Variants in NELL1 observed in about 807,000 individuals in gnomAD.
The protein encoded by NELL1 is protein kinase C-binding protein NELL1.
Under a neutral mutation model 107.4 loss-of-function variants are expected in NELL1, and 76 were observed. That is an observed-to-expected ratio of 0.71 (90% CI 0.59 to 0.86). The LOEUF (loss-of-function observed/expected upper bound fraction) is 0.86, where lower values mean the gene tolerates loss of function less well. Ranked by LOEUF, NELL1 falls within the 40% of genes least tolerant of loss-of-function variation. NELL1 has a pLI of 0.00. For missense variants in NELL1, 1,024 were observed against 1,005.5 expected (o/e 1.02, Z -0.25); for synonymous variants, 353 against 341.2 (o/e 1.03, Z -0.38).
In NELL1 at chr11:21,532,077, G is replaced by A. The variant is rs540183755; in HGVS notation, c.1646-2297G>A. Among the ~76,000 whole-genome samples the A allele has an allele frequency of 9.2e-5, 14 of 152,290 alleles. No individual in the cohort carries two copies. The South Asian group carries it at 2.3e-3, about 25-fold the overall frequency. ...ACAGAGAACAGAAATGTACAGCCTAGGCACCAGCATGTGATGTGAACCTGA... is the reference window on the plus strand; with the variant it reads ...ACAGAGAACAGAAATGTACAGCCTAAGCACCAGCATGTGATGTGAACCTGA... On this transcript the variant is annotated intron_variant, in intron 15 of 19. Coordinates refer to ENST00000357134, the MANE Select transcript of NELL1 (RefSeq NM_006157.5).
At chr11:21,516,288 GA>G (rs1479428491) in intron 15 of NELL1, among the ~76,000 whole-genome samples, 2 of 152,114 alleles carry the variant, frequency 1.3e-5, no homozygotes, top group African/African-American at 4.8e-5. Context: ...AATAGGCATT[GA>G]AAAAACTATT....
intron 15 of NELL1, among the ~76,000 whole-genome samples, chr11:21,377,434 G>A (rs1259517150): frequency 6.6e-6 from 1 of 152,012 alleles, no homozygotes; most frequent in African/African-American, 2.4e-5. Context: ...ATATCCTGTT[G>A]AATGCAGTTT....
chr11:21,537,336 C>T (rs534192077), intron 16 of NELL1, among the ~76,000 whole-genome samples: 1 of 152,216 alleles, frequency 6.6e-6, no homozygotes, highest in African/African-American at 2.4e-5. Flanking sequence ...TTCCTGCCTG[C>T]TTCTTGGACT....
intron 14 of NELL1, among the ~76,000 whole-genome samples, chr11:21,264,130 T>C (rs1791831): frequency 0.91 from 135,622 of 149,804 alleles, 61,535 homozygotes; most frequent in Non-Finnish European, 0.93. Context: ...CTTCCCTCCT[T>C]AGGAATAGGG....
At chr11:21,380,971 T>C (rs1212126215) in intron 15 of NELL1, among the ~76,000 whole-genome samples, 1 of 152,024 alleles carries the variant, frequency 6.6e-6, no homozygotes, top group South Asian at 2.1e-4. Context: ...ATTTTGCATT[T>C]ATTATTTCCT....
chr11:21,447,612 T>G (rs763377744), intron 15 of NELL1, among the ~76,000 whole-genome samples: 2 of 152,096 alleles, frequency 1.3e-5, no homozygotes, highest in Non-Finnish European at 2.9e-5. Context: ...TTCTCTTCCC[T>G]CTCCTCTCCT....
intron 17 of NELL1, among the ~76,000 whole-genome samples, chr11:21,565,836 A>G (rs576826887): frequency 5.3e-5 from 8 of 152,066 alleles, no homozygotes; most frequent in Non-Finnish European, 1.0e-4. Flanking sequence ...TTTCTACCCC[A>G]GGTGTTAGGA....
chr11:21,461,126 T>C lies in NELL1; in HGVS notation c.1646-73248T>C, dbSNP rs191542540. On this transcript the variant is annotated intron_variant, in intron 15 of 19. Transcript: ENST00000357134. Reference sequence around the variant, plus strand: ...GGAAGGGGTGTTAATAATTCCATAATTGATAACAATCACTTATGAAACAGA... The same window carrying C: ...GGAAGGGGTGTTAATAATTCCATAACTGATAACAATCACTTATGAAACAGA... Among the ~76,000 whole-genome samples the C allele has an allele frequency of 2.0e-5, 3 of 152,094 alleles. 1 individual carries two copies. The highest frequency in any genetic ancestry group is 7.2e-5 in the African/African-American group (3 of 41,426).
chr11:21,141,819 A>G (rs1855875754), intron 13 of NELL1, among the ~76,000 whole-genome samples: 1 of 151,760 alleles, frequency 6.6e-6, no homozygotes, highest in South Asian at 2.1e-4. Context: ...GCTGGATTGC[A>G]ATGGCATGAT....
chr11:21,531,661 A>G (rs1855992812), intron 15 of NELL1, among the ~76,000 whole-genome samples: 1 of 152,172 alleles, frequency 6.6e-6, no homozygotes, highest in Admixed American at 6.5e-5. Flanking sequence ...GATGGTTGAC[A>G]CATTGTGAGT....
At chr11:20,998,682 A>G (rs1852148172) in intron 12 of NELL1, among the ~76,000 whole-genome samples, 1 of 152,222 alleles carries the variant, frequency 6.6e-6, no homozygotes, top group Admixed American at 6.5e-5. Context: ...GACCAGTAGG[A>G]AAACATCGGC....
At chr11:20,799,625 C>T (rs903919581) in intron 3 of NELL1, among the ~76,000 whole-genome samples, 1 of 151,018 alleles carries the variant, frequency 6.6e-6, no homozygotes, top group Non-Finnish European at 1.5e-5. Context: ...GAAGCATTAT[C>T]AGTTCATCTG....
Position 20,758,358 on chromosome 11 carries a change from C to T in NELL1, c.185-25322C>T, listed in dbSNP as rs538893583. On this transcript the variant is annotated intron_variant, in intron 2 of 19. Transcript: ENST00000357134. ...GGCCTAATAAATCCAAACTCCTTAG[C>T]ATGACATTTGAGAACTTCCATGAAT... Among the ~76,000 whole-genome samples the T allele has an allele frequency of 4.6e-5, 7 of 152,258 alleles. No individual in the cohort carries two copies. In the South Asian group the frequency reaches 1.0e-3, roughly 23 times the overall value.
intron 14 of NELL1, among the ~76,000 whole-genome samples, chr11:21,290,392 T>A (rs984086184): frequency 5.1e-4 from 44 of 86,800 alleles, no homozygotes; most frequent in African/African-American, 1.3e-3. Flanking sequence ...ATAAATAAAA[T>A]AAATAGATAA....
At chr11:21,309,308 A>ATGTG in intron 14 of NELL1, among the ~76,000 whole-genome samples, 1 of 137,310 alleles carries the variant, frequency 7.3e-6, no homozygotes, top group African/African-American at 2.9e-5. Context: ...ATGTATATAT[A>ATGTG]TATAATATAT....
Position 21,411,938 on chromosome 11 carries a change from A to C in NELL1, c.1645+40990A>C, listed in dbSNP as rs149309351. Among the ~76,000 whole-genome samples the C allele has an allele frequency of 2.1e-3, 325 of 152,152 alleles. 3 individuals are homozygous for C. Among genetic ancestry groups the C allele is most frequent in the African/African-American group, 7.3e-3 (303 of 41,542 alleles). ...CTTGCTGAATGATTTGGAGGTTTGTACTGATGACCTTTCTCATCCTGTTGC... is the reference window on the plus strand; with the variant it reads ...CTTGCTGAATGATTTGGAGGTTTGTCCTGATGACCTTTCTCATCCTGTTGC... On this transcript the variant is annotated intron_variant, in intron 15 of 19. Transcript: ENST00000357134.
chr11:20,724,184 T>G (rs2213107), intron 2 of NELL1, among the ~76,000 whole-genome samples: 107,890 of 152,272 alleles, frequency 0.71, 41,376 homozygotes, highest in East Asian at 0.95. Flanking sequence ...TCTGCAATGC[T>G]GTGGAGACAT....
rs78447593 is a variant in NELL1 at position 21,374,887 on chromosome 11, C to G, written c.1645+3939C>G. ...GCTGTGTGGAACTGACTGTGTGTGT[C>G]TGTGTGTGTGTGTGTGTGTGTGTGT... On this transcript the variant is annotated intron_variant, in intron 15 of 19. Transcript: ENST00000357134. 4.0e-3 allele frequency among the ~76,000 whole-genome samples: 573 copies of G among 143,852 alleles called. 5 individuals carry two copies. The South Asian group carries it at 0.044, about 11-fold the overall frequency. The allele number at this position is 143,852 out of a possible 152,430, so 94.4% of individuals were successfully genotyped here.
At chr11:21,466,019 C>T (rs751737392) in intron 15 of NELL1, among the ~76,000 whole-genome samples, 15 of 152,066 alleles carry the variant, frequency 9.9e-5, no homozygotes, top group Admixed American at 9.2e-4. Context: ...AGATGCAAAG[C>T]GCTCTTAGAA....
Sources: allele counts gnomAD v4.1 joint callset (sites outside exome capture counted in the v4.1 genomes callset), GRCh38; gene constraint gnomAD v4.1.1; transcripts MANE v1.5; gene names NCBI Gene and HGNC (gene_info 2026-07-23, HGNC 2026-07-21).